ALDH6A1: variants seen among roughly 807,000 people sequenced by gnomAD.
ALDH6A1 encodes the protein aldehyde dehydrogenase 6 family member A1, also known as methylmalonate-semialdehyde/malonate-semialdehyde dehydrogenase [acylating], mitochondrial.
In ALDH6A1, 43 loss-of-function variants were observed where a neutral mutation model predicts 62.6. The observed-to-expected ratio is 0.69, with a 90% confidence interval of 0.54 to 0.89. ALDH6A1 has a LOEUF of 0.89. Among genes scored for constraint, ALDH6A1 ranks in the 40% least tolerant of loss-of-function variants. The pLI is 0.00. For synonymous variants in ALDH6A1, 194 were observed against 234.2 expected (o/e 0.83, Z 1.57); for missense variants, 551 against 661.3 (o/e 0.83, Z 1.83).
At chr14:74,072,182 C>G (rs1305429783) in intron 4 of ALDH6A1, 21 bp downstream of exon 4, 3 of 1,614,006 alleles carry the variant, frequency 1.9e-6, no homozygotes, top group Non-Finnish European at 2.5e-6. Context: ...TTTGGAAAAG[C>G]ATACCATTTA....
chr14:74,065,149 A>G (rs554629106), intron 10 of ALDH6A1, 32 bp downstream of exon 10: 4 of 1,611,070 alleles, frequency 2.5e-6, no homozygotes, highest in East Asian at 2.2e-5. Context: ...GTAAATGGAT[A>G]TAAGAATCTC....
intron 1 of ALDH6A1, among the ~76,000 whole-genome samples, chr14:74,076,084 T>TG (rs2060609939): frequency 6.6e-6 from 1 of 152,184 alleles, no homozygotes; most frequent in African/African-American, 2.4e-5. Flanking sequence ...GGAAACTTTT[T>TG]GGGGTGATGG....
At chr14:74,063,809 T>C (rs1469251755) in intron 11 of ALDH6A1, among the ~76,000 whole-genome samples, 1 of 147,886 alleles carries the variant, frequency 6.8e-6, no homozygotes, top group African/African-American at 2.5e-5. Flanking sequence ...GAGGTTGCAG[T>C]GAGCCAAGAT....
chr14:74,072,621 ACAAAC>A lies in ALDH6A1; in HGVS notation c.112-15_112-11del, dbSNP rs750324040. 49 of 1,540,910 alleles carry A rather than the reference ACAAAC, an allele frequency of 3.2e-5. No individual in the cohort carries two copies. The highest frequency in any genetic ancestry group is 3.8e-5 in the Non-Finnish European group (44 of 1,147,012). ...AGAGCTTTACAGTTGGCTGAAAAAA[ACAAAC>A]AAACAAACAAACAAACAAAAACATG... On this transcript the variant is annotated splice_polypyrimidine_tract_variant and intron_variant, in intron 2 of 11. Coordinates refer to ENST00000553458, the MANE Select transcript of ALDH6A1 (RefSeq NM_005589.4).
At chr14:74,082,699 C>T (rs763137942) in intron 1 of ALDH6A1, 5 of 152,076 alleles carry the variant, frequency 3.3e-5, no homozygotes, top group Non-Finnish European at 5.9e-5. Flanking sequence ...AGCGCCTGGC[C>T]CGTAGGCTAC....
intron 7 of ALDH6A1, among the ~76,000 whole-genome samples, chr14:74,067,957 T>G (rs1438419865): frequency 1.3e-5 from 2 of 149,734 alleles, no homozygotes; most frequent in East Asian, 4.0e-4. Flanking sequence ...AACAGGAATT[T>G]GTTGTCTGCT....
At position 74,084,332 on chromosome 14, in the gene ALDH6A1, ACCACCCTCACTCG is replaced by A; in HGVS notation, c.48+2_48+14del. 9 of 1,613,590 alleles carry A rather than the reference ACCACCCTCACTCG, an allele frequency of 5.6e-6. No individual in the cohort carries two copies. The highest frequency in any genetic ancestry group is 7.6e-6 in the Non-Finnish European group (9 of 1,179,882). On this transcript the variant is annotated splice_donor_variant and splice_donor_5th_base_variant and intron_variant, in intron 1 of 11. Transcript: ENST00000553458. LOFTEE classifies it high-confidence loss of function. ...ATTCCTAGCTTCATGGTGCCTTGGC[ACCACCCTCACTCG>A]CCTGCAGGATCCGGGCTCGCACTGC...
chr14:74,062,958 C>T (rs996407183), intron 11 of ALDH6A1, among the ~76,000 whole-genome samples: 1 of 152,142 alleles, frequency 6.6e-6, no homozygotes, highest in African/African-American at 2.4e-5. Context: ...CTGCTCTGTT[C>T]CAGGTACTGC....
At chr14:74,069,104 T>TTTC in intron 6 of ALDH6A1, 123 bp from the exon 7 acceptor site, 5 of 738,584 alleles carry the variant, frequency 6.8e-6, no homozygotes, top group East Asian at 7.3e-5. Context: ...ACTTTTTCTT[T>TTTC]TTTTTTTTTT....
At position 74,072,532 on chromosome 14, in the gene ALDH6A1, C is replaced by G; in HGVS notation, c.186+5G>C. On this transcript the variant is annotated splice_donor_5th_base_variant and intron_variant, in intron 3 of 11. Transcript: ENST00000553458. ...AAGTTGAAGTCCCAAAGCAGCTTCG[C>G]TTACTGGGTTGTGGATATCGATCCA... 1 of 1,614,142 alleles carries G rather than the reference C, an allele frequency of 6.2e-7. No individual in the cohort carries two copies. The highest frequency in any genetic ancestry group is 8.5e-7 in the Non-Finnish European group (1 of 1,180,036).
intron 11 of ALDH6A1, among the ~76,000 whole-genome samples, chr14:74,063,347 T>G (rs2060389909): frequency 6.6e-6 from 1 of 151,722 alleles, no homozygotes; most frequent in Admixed American, 6.6e-5. Flanking sequence ...CCACCACACC[T>G]GGCTAATTGT....
intron 6 of ALDH6A1, chr14:74,070,927 A>G: frequency 2.1e-6 from 1 of 465,660 alleles, no homozygotes. Context: ...ACTGAAGAAA[A>G]AAGTTTCTTT....
intron 9 of ALDH6A1, chr14:74,066,157 A>G (rs1372615716): frequency 6.1e-6 from 1 of 163,280 alleles, no homozygotes; most frequent in African/African-American, 2.4e-5. Context: ...TGCAGTAGCC[A>G]TAAGCTAGGC....
At chr14:74,065,424 T>C (rs2060445794) in intron 9 of ALDH6A1, 64 bp from the exon 10 acceptor site, 1 of 1,474,308 alleles carries the variant, frequency 6.8e-7, no homozygotes, top group East Asian at 2.3e-5. Flanking sequence ...TTTATGCTTA[T>C]TTGGTACTTT....
intron 2 of ALDH6A1, among the ~76,000 whole-genome samples, chr14:74,073,784 G>A (rs1259233434): frequency 1.3e-5 from 2 of 151,756 alleles, no homozygotes; most frequent in African/African-American, 4.8e-5. Context: ...TGGTTTTGGT[G>A]GCATGCGACT....
rs1158249615 is a variant in ALDH6A1 at position 74,057,373 on chromosome 14, GAATGAGTAAT to G, written c.*3259_*3268del. On this transcript the variant is annotated 3_prime_UTR_variant, in exon 12 of 12. Coordinates refer to ENST00000553458, the MANE Select transcript of ALDH6A1 (RefSeq NM_005589.4). ...AGTTGAGAGACTTCAGGGATCAGTG[GAATGAGTAAT>G]AAATAGCATTAGTAGATTACATAAA... is the stretch of plus-strand genomic sequence containing the variant. The G allele has an allele frequency of 6.4e-7, 1 of 1,562,030 alleles. No homozygotes were observed. Among genetic ancestry groups the G allele is most frequent in the Non-Finnish European group, 8.7e-7 (1 of 1,153,744 alleles).
intron 11 of ALDH6A1, among the ~76,000 whole-genome samples, chr14:74,062,069 A>G (rs2060356817): frequency 6.9e-6 from 1 of 144,082 alleles, no homozygotes; most frequent in African/African-American, 2.7e-5. Context: ...AAAAAAAAAA[A>G]AAAAAAAAAA....
At chr14:74,072,785 A>G (rs150508051) in intron 2 of ALDH6A1, among the ~76,000 whole-genome samples, 174 bp from the exon 3 acceptor site, 1 of 152,138 alleles carries the variant, frequency 6.6e-6, no homozygotes, top group East Asian at 1.9e-4. Flanking sequence ...ATCCCTATCT[A>G]TTCTGTGTGT....
At chr14:74,077,237 C>T (rs766244607) in intron 1 of ALDH6A1, among the ~76,000 whole-genome samples, 19 of 152,088 alleles carry the variant, frequency 1.2e-4, no homozygotes, top group Non-Finnish European at 2.4e-4. Context: ...AAATAGAAGC[C>T]CATTCCTGTC....
Sources: allele counts gnomAD v4.1 joint callset (sites outside exome capture counted in the v4.1 genomes callset), GRCh38; gene constraint gnomAD v4.1.1; transcripts MANE v1.5; gene names NCBI Gene and HGNC (gene_info 2026-07-23, HGNC 2026-07-21).